Variants in CELF2 observed in about 807,000 individuals in gnomAD.
CELF2 encodes CUG triplet repeat RNA-binding protein 2.
In CELF2, 8 loss-of-function variants were observed where a neutral mutation model predicts 62.6. The ratio of observed to expected loss-of-function variants is 0.13; its 90% CI spans 0.07 to 0.23. The LOEUF (loss-of-function observed/expected upper bound fraction) is 0.23. CELF2 is among the 10% of genes least tolerant of loss of function. The pLI is 1.00. For synonymous variants in CELF2, 258 were observed against 250.0 expected (o/e 1.03, Z -0.30); for missense variants, 333 against 671.0 (o/e 0.50, Z 5.56).
At chr10:10,722,210 G>A in the CELF2 span, among the ~76,000 whole-genome samples, 2 of 152,264 alleles carry the variant, frequency 1.3e-5, no homozygotes, top group African/African-American at 4.8e-5. Flanking sequence ...GCCAAGGCAG[G>A]AGGATTGCTT....
At chr10:10,761,905 CGTGTGTGTGTGTGTGTGTGTGT>C in the CELF2 span, among the ~76,000 whole-genome samples, 24 of 128,972 alleles carry the variant, frequency 1.9e-4, no homozygotes, top group African/African-American at 3.9e-4. Context: ...TATAATAAAC[CGTGTGTGTGTGTGTGTGTGTGT>C]GTGTGTGTGT....
At chr10:11,307,627 C>T (rs2094322361) in intron 9 of CELF2, among the ~76,000 whole-genome samples, 1 of 152,154 alleles carries the variant, frequency 6.6e-6, no homozygotes, top group Non-Finnish European at 1.5e-5. Context: ...TCTTCTTCCT[C>T]CGTTTAAATA....
chr10:10,481,429 T>A, the CELF2 span, among the ~76,000 whole-genome samples: 1 of 152,220 alleles, frequency 6.6e-6, no homozygotes, highest in Non-Finnish European at 1.5e-5. Flanking sequence ...CCCTCACTTT[T>A]ATCCTCCATA....
intron 9 of CELF2, among the ~76,000 whole-genome samples, chr10:11,299,001 A>G (rs928745192): frequency 4.6e-5 from 7 of 152,250 alleles, no homozygotes; most frequent in African/African-American, 1.7e-4. Flanking sequence ...ATTAGGATGT[A>G]AATACAGGGA....
chr10:11,196,726 G>A (rs929190966), intron 2 of CELF2, among the ~76,000 whole-genome samples: 3 of 151,950 alleles, frequency 2.0e-5, no homozygotes, highest in African/African-American at 7.3e-5. Flanking sequence ...GGGAGGCCAA[G>A]GCAGGCAGAT....
At chr10:10,902,970 G>A (rs1350808371) in intron 1 of CELF2, among the ~76,000 whole-genome samples, 1 of 151,570 alleles carries the variant, frequency 6.6e-6, no homozygotes, top group Non-Finnish European at 1.5e-5. Context: ...AAGATAAGGA[G>A]AAGAAGGGAG....
chr10:11,002,561 C>T (rs1369356409), upstream of CELF2, among the ~76,000 whole-genome samples: 4 of 152,154 alleles, frequency 2.6e-5, no homozygotes, highest in African/African-American at 7.2e-5. The surrounding 1 kb of genome is among the most constrained non-coding windows in gnomAD (Gnocchi z 4.4). Flanking sequence ...GTAGAATGAG[C>T]GCCTAAGCTC....
At chr10:11,136,357 C>T (rs2060437214) in intron 1 of CELF2, among the ~76,000 whole-genome samples, 2 of 152,148 alleles carry the variant, frequency 1.3e-5, no homozygotes, top group Non-Finnish European at 2.9e-5. Context: ...AATCCCAGCA[C>T]TCTGGGAGGC....
At chr10:10,611,920 T>C in the CELF2 span, among the ~76,000 whole-genome samples, 1 of 152,216 alleles carries the variant, frequency 6.6e-6, no homozygotes, top group African/African-American at 2.4e-5. Context: ...GTGATTCATA[T>C]TGATCCATAC....
chr10:10,596,362 A>C, the CELF2 span, among the ~76,000 whole-genome samples: 1 of 152,196 alleles, frequency 6.6e-6, no homozygotes. Flanking sequence ...CTGGGTTTAG[A>C]ACATGGTTGC....
chr10:10,648,705 A>AT, the CELF2 span, among the ~76,000 whole-genome samples: 3 of 152,080 alleles, frequency 2.0e-5, no homozygotes, highest in Non-Finnish European at 1.5e-5. Flanking sequence ...GTTGAAGAAT[A>AT]TTTTACGGTT....
In CELF2 at chr10:11,246,330, G is replaced by A. The variant is rs1288092673; in HGVS notation, c.355-2823G>A. 6.6e-6 allele frequency among the ~76,000 whole-genome samples: 1 copy of A among 152,078 alleles called. No homozygotes were observed. The highest frequency in any genetic ancestry group is 6.5e-5 in the Admixed American group (1 of 15,272). ...TGTGAATCTCAGTGGACTCTTTTCAGCAGATGAACCTGTATAAGTCTTTCC... is the reference window on the plus strand; with the variant it reads ...TGTGAATCTCAGTGGACTCTTTTCAACAGATGAACCTGTATAAGTCTTTCC... On this transcript the variant is annotated intron_variant, in intron 3 of 12. Transcript: ENST00000633077. This position sits in a 1 kb window ranked among gnomAD's most constrained non-coding sequence, Gnocchi z 4.6.
chr10:10,638,052 G>A, the CELF2 span, among the ~76,000 whole-genome samples: 5 of 152,108 alleles, frequency 3.3e-5, no homozygotes, highest in East Asian at 1.9e-4. Context: ...CTTCAATTGG[G>A]GATACTGATG....
At chr10:10,766,035 A>T in the CELF2 span, among the ~76,000 whole-genome samples, 1 of 152,160 alleles carries the variant, frequency 6.6e-6, no homozygotes, top group Non-Finnish European at 1.5e-5. Context: ...GGCCTCCGGC[A>T]CTCCAACCTG....
intron 7 of CELF2, among the ~76,000 whole-genome samples, chr10:11,272,393 G>A (rs367770395): frequency 2.2e-4 from 33 of 152,314 alleles, no homozygotes; most frequent in African/African-American, 7.5e-4. Context: ...GCTCACAGTC[G>A]ATTGGTTTAA....
chr10:10,532,171 C>G, the CELF2 span, among the ~76,000 whole-genome samples: 1 of 152,226 alleles, frequency 6.6e-6, no homozygotes, highest in Non-Finnish European at 1.5e-5. Flanking sequence ...GAGAAGTGCT[C>G]AAGTGGACAA....
chr10:10,564,684 A>ACACG, the CELF2 span, among the ~76,000 whole-genome samples: 2 of 105,614 alleles, frequency 1.9e-5, no homozygotes, highest in African/African-American at 9.1e-5. Context: ...GCACACACGC[A>ACACG]CACACACACA....
chr10:10,824,366 A>ACAGTACCTCTCACCTCT (rs983032764), intron 1 of CELF2, among the ~76,000 whole-genome samples: 5 of 152,178 alleles, frequency 3.3e-5, no homozygotes, highest in Non-Finnish European at 5.9e-5. Flanking sequence ...GTCTCATCTC[A>ACAGTACCTCTCACCTCT]CAGTACCTCT....
chr10:10,731,038 C>A, the CELF2 span, among the ~76,000 whole-genome samples: 82 of 152,258 alleles, frequency 5.4e-4, no homozygotes, highest in African/African-American at 1.5e-3. Context: ...CCTTGCTTTG[C>A]CTGTTAAAAT....
Sources: gnomAD v4.1 joint callset for allele counts (sites outside exome capture counted in the v4.1 genomes callset) on GRCh38, gnomAD v4.1.1 for gene constraint, Gnocchi (gnomAD v3.1) non-coding constraint, MANE v1.5 for transcripts, NCBI Gene and HGNC (gene_info 2026-07-23, HGNC 2026-07-21) for gene names.